CLDN10: variants seen among roughly 807,000 people sequenced by gnomAD.
The protein encoded by CLDN10 is claudin 10.
A neutral mutation model predicts 22.9 loss-of-function variants in CLDN10; 15 were observed. The ratio of observed to expected loss-of-function variants is 0.65; its 90% CI spans 0.44 to 1.01. CLDN10 has a LOEUF of 1.01. Among genes scored for constraint, CLDN10 ranks in the 50% least tolerant of loss-of-function variants. The pLI is 0.00. For missense variants in CLDN10, 247 were observed against 287.8 expected, an observed-to-expected ratio of 0.86 and a Z score of 1.03; for synonymous variants, 114 against 111.4, an observed-to-expected ratio of 1.02 and a Z score of -0.15.
chr13:95,540,177 G>A (rs2043444491), intron 1 of CLDN10, among the ~76,000 whole-genome samples: 2 of 152,086 alleles, frequency 1.3e-5, no homozygotes, highest in Non-Finnish European at 2.9e-5. Context: ...GTGCATGCCT[G>A]TAGTCCCAGC....
intron 1 of CLDN10, among the ~76,000 whole-genome samples, chr13:95,434,806 A>C (rs2042250975): frequency 6.6e-6 from 1 of 152,110 alleles, no homozygotes; most frequent in Non-Finnish European, 1.5e-5. Context: ...GTCTCCTTAC[A>C]TCTACTTTAT....
intron 1 of CLDN10, among the ~76,000 whole-genome samples, chr13:95,525,105 G>A (rs906456264): frequency 5.9e-5 from 9 of 152,014 alleles, no homozygotes; most frequent in Admixed American, 1.3e-4. Context: ...GTGATTGCCC[G>A]CCTCGGCCTC....
intron 3 of CLDN10, among the ~76,000 whole-genome samples, chr13:95,567,664 T>G (rs1189953475): frequency 6.6e-6 from 1 of 152,220 alleles, no homozygotes; most frequent in Non-Finnish European, 1.5e-5. Context: ...CTATGTTGAA[T>G]AGGAGTGGTG....
chr13:95,577,868 T>C (rs377087298), intron 4 of CLDN10, 32 bp from the exon 5 acceptor site: 2 of 1,469,346 alleles, frequency 1.4e-6, no homozygotes, highest in South Asian at 1.2e-5. Context: ...ATGTGTAGAA[T>C]AGAATCTACC....
chr13:95,576,806 A>C (rs940371922), intron 3 of CLDN10, among the ~76,000 whole-genome samples: 2 of 152,236 alleles, frequency 1.3e-5, no homozygotes, highest in African/African-American at 4.8e-5. Context: ...CTTAATAAAC[A>C]TTTACTAAAT....
rs777191690 is a variant in CLDN10 at position 95,579,691 on chromosome 13, T to C, written c.*1677T>C. 1 of 152,022 alleles carries C rather than the reference T, an allele frequency of 6.6e-6. No individual in the cohort carries two copies. The highest frequency in any genetic ancestry group is 1.5e-5 in the Non-Finnish European group (1 of 67,980). 9.4% of individuals were successfully genotyped at this position (152,022 alleles called of 1,614,324 possible). A position where few individuals can be genotyped will look rare whatever the true frequency, so the allele number is the denominator to read the frequency against. On this transcript the variant is annotated 3_prime_UTR_variant, in exon 5 of 5. Transcript: ENST00000299339. ...AAAGAATCACATTGTTCAGAGGTGCTCAATGGAAAGAAAAGGAAATGAACA... is the reference window on the plus strand; with the variant it reads ...AAAGAATCACATTGTTCAGAGGTGCCCAATGGAAAGAAAAGGAAATGAACA...
intron 3 of CLDN10, among the ~76,000 whole-genome samples, chr13:95,570,618 T>C (rs1166129914): frequency 6.6e-6 from 1 of 151,982 alleles, no homozygotes; most frequent in Non-Finnish European, 1.5e-5. Context: ...GCTCAGATCC[T>C]GGCCCGGGCC....
At chr13:95,511,995 C>A (rs568974430) in intron 1 of CLDN10, among the ~76,000 whole-genome samples, 1 of 132,606 alleles carries the variant, frequency 7.5e-6, no homozygotes, top group African/African-American at 2.6e-5. Flanking sequence ...GCTATCCCCC[C>A]CCTCTCCCCC....
At position 95,449,522 on chromosome 13, in the gene CLDN10, A is replaced by G. The variant is rs940163803; in HGVS notation, c.214+15475A>G. ...CACCTCAGCCTCCTAAAGTGCTGGG[A>G]TTACAGGCATAAGCCACTGTGCCCT... On this transcript the variant is annotated intron_variant, in intron 1 of 4. Coordinates refer to the CLDN10 transcript ENST00000376873. 3.3e-5 allele frequency among the ~76,000 whole-genome samples: 5 copies of G among 152,098 alleles called. No homozygotes were observed. In the East Asian group the frequency reaches 9.7e-4, roughly 29 times the overall value.
rs187217293 is a variant in CLDN10 at position 95,457,795 on chromosome 13, G to T, written c.214+23748G>T. ...TACTCTCTTGAAGACCCTCTAGGAA[G>T]CCAAAACTGCACTGGGCATATCTGC... On this transcript the variant is annotated intron_variant, in intron 1 of 4. Coordinates refer to the CLDN10 transcript ENST00000376873. 4.6e-3 allele frequency among the ~76,000 whole-genome samples: 705 copies of T among 152,230 alleles called. 2 individuals carry two copies. Among genetic ancestry groups the T allele is most frequent in the Non-Finnish European group, 7.2e-3 (487 of 68,018 alleles).
At chr13:95,535,297 AG>A (rs1377561805) in intron 1 of CLDN10, among the ~76,000 whole-genome samples, 2 of 152,130 alleles carry the variant, frequency 1.3e-5, no homozygotes, top group Admixed American at 6.5e-5. Flanking sequence ...TCATATTAGA[AG>A]GGGTGAGCCC....
chr13:95,547,225 C>A (rs2043519093), intron 1 of CLDN10, among the ~76,000 whole-genome samples: 1 of 151,950 alleles, frequency 6.6e-6, no homozygotes, highest in Admixed American at 6.6e-5. Context: ...TTCTCACTTT[C>A]CTTTGCAAGC....
intron 1 of CLDN10, among the ~76,000 whole-genome samples, chr13:95,458,885 C>CA (rs746170368): frequency 6.6e-6 from 1 of 152,178 alleles, no homozygotes; most frequent in Non-Finnish European, 1.5e-5. Context: ...AAGTACCTTC[C>CA]ACCTATGAGC....
At chr13:95,541,929 G>A (rs1359412236) in intron 1 of CLDN10, among the ~76,000 whole-genome samples, 1 of 152,184 alleles carries the variant, frequency 6.6e-6, no homozygotes, top group Non-Finnish European at 1.5e-5. Flanking sequence ...CTGAGACTGG[G>A]TAATTTATAA....
At chr13:95,499,649 C>T (rs1381945034) in intron 1 of CLDN10, among the ~76,000 whole-genome samples, 1 of 152,192 alleles carries the variant, frequency 6.6e-6, no homozygotes, top group Non-Finnish European at 1.5e-5. Context: ...CTGACCAGCC[C>T]TGCTGCCAGT....
At chr13:95,521,061 A>G (rs1858889182) in intron 1 of CLDN10, among the ~76,000 whole-genome samples, 2 of 151,932 alleles carry the variant, frequency 1.3e-5, no homozygotes, top group Admixed American at 1.3e-4. Context: ...AAACTCTCAT[A>G]TTAATACTAA....
chr13:95,536,783 A>T (rs9525012), intron 1 of CLDN10, among the ~76,000 whole-genome samples: 1 of 96,278 alleles, frequency 1.0e-5, no homozygotes, highest in South Asian at 4.9e-4. Flanking sequence ...TTTATTTTTT[A>T]AAAACTGCAT....
intron 1 of CLDN10, among the ~76,000 whole-genome samples, chr13:95,449,966 A>G (rs949685467): frequency 1.3e-5 from 2 of 151,744 alleles, no homozygotes; most frequent in East Asian, 3.9e-4. Context: ...GATGGTCTCA[A>G]TCCCCTGACC....
chr13:95,437,092 G>T (rs2042279932), intron 1 of CLDN10, among the ~76,000 whole-genome samples: 1 of 151,966 alleles, frequency 6.6e-6, no homozygotes, highest in African/African-American at 2.4e-5. Context: ...TTCATTGCTG[G>T]AGTCATACCT....
Sources: gnomAD v4.1 joint callset for allele counts (sites outside exome capture counted in the v4.1 genomes callset) on GRCh38, gnomAD v4.1.1 for gene constraint, MANE v1.5 for transcripts, NCBI Gene and HGNC (gene_info 2026-07-23, HGNC 2026-07-21) for gene names.